The following SLIT3 variants were observed in gnomAD, a reference collection of about 807,000 sequenced individuals.
SLIT3 encodes slit guidance ligand 3.
In SLIT3, 68 loss-of-function variants were observed where a neutral mutation model predicts 184.0. That is an observed-to-expected ratio of 0.37 (90% CI 0.30 to 0.45). The LOEUF (loss-of-function observed/expected upper bound fraction) is 0.45, where lower values mean the gene tolerates loss of function less well. Ranked by LOEUF, SLIT3 falls within the 20% of genes least tolerant of loss-of-function variation. The pLI is 1.00. For missense variants in SLIT3, 1,707 were observed against 2,026.0 expected (o/e 0.84, Z 3.02); for synonymous variants, 831 against 828.6 (o/e 1.00, Z -0.05).
intron 2 of SLIT3, among the ~76,000 whole-genome samples, chr5:169,246,028 A>G (rs900419170): frequency 6.6e-6 from 1 of 152,190 alleles, no homozygotes; most frequent in Non-Finnish European, 1.5e-5. Flanking sequence ...CCGATTGTAT[A>G]TGTGTCTGGG....
chr5:168,805,307 G>C (rs1321963503), intron 9 of SLIT3, among the ~76,000 whole-genome samples: 1 of 152,088 alleles, frequency 6.6e-6, no homozygotes, highest in Non-Finnish European at 1.5e-5. Flanking sequence ...GCACACACAG[G>C]GAAGGGGAGG....
intron 4 of SLIT3, among the ~76,000 whole-genome samples, chr5:169,153,389 G>T (rs1330124974): frequency 6.6e-6 from 1 of 152,232 alleles, no homozygotes; most frequent in East Asian, 1.9e-4. Context: ...AGCATATTGG[G>T]CAGCTTTCAG....
intron 5 of SLIT3, among the ~76,000 whole-genome samples, chr5:168,880,113 TC>T (rs1199832087): frequency 9.9e-5 from 15 of 152,164 alleles, no homozygotes; most frequent in African/African-American, 3.6e-4. Flanking sequence ...TTTCTCCACT[TC>T]CTGCTTCTCT....
intron 4 of SLIT3, among the ~76,000 whole-genome samples, chr5:168,884,997 C>T (rs1050980913): frequency 6.6e-6 from 1 of 152,094 alleles, no homozygotes; most frequent in Non-Finnish European, 1.5e-5. Context: ...TGGCAGGAGA[C>T]ATCAGACGAC....
At chr5:168,797,450 G>A (rs1714058083) in intron 9 of SLIT3, among the ~76,000 whole-genome samples, 1 of 152,234 alleles carries the variant, frequency 6.6e-6, no homozygotes. Context: ...AGGATCCACT[G>A]CTCCCAACTG....
intron 4 of SLIT3, among the ~76,000 whole-genome samples, chr5:169,149,482 T>C (rs972201879): frequency 6.6e-6 from 1 of 152,094 alleles, no homozygotes; most frequent in African/African-American, 2.4e-5. Context: ...AATCCATCTG[T>C]AAGAGACCCA....
At chr5:168,961,098 G>C (rs1315452050) in intron 4 of SLIT3, among the ~76,000 whole-genome samples, 1 of 152,128 alleles carries the variant, frequency 6.6e-6, no homozygotes, top group East Asian at 1.9e-4. Context: ...TTCATTCCCA[G>C]AAGGCATGGC....
chr5:168,759,418 A>T (rs1341865189), intron 16 of SLIT3, among the ~76,000 whole-genome samples: 2 of 152,210 alleles, frequency 1.3e-5, no homozygotes, highest in Non-Finnish European at 2.9e-5. Context: ...CCTGTAATAA[A>T]ACTGCTCTCA....
At chr5:169,180,437 A>C (rs6555850) in intron 4 of SLIT3, among the ~76,000 whole-genome samples, 16,880 of 152,174 alleles carry the variant, frequency 0.11, 1,899 homozygotes, top group African/African-American at 0.27. Flanking sequence ...CCTTAAAACA[A>C]TAATTGCGGC....
rs1291982111 is a variant in SLIT3 at position 168,762,531 on chromosome 5, G to A, written c.1610+8C>T. The A allele has an allele frequency of 6.2e-7, 1 of 1,610,844 alleles. No homozygotes were observed. The highest frequency in any genetic ancestry group is 1.3e-5 in the African/African-American group (1 of 74,860). On this transcript the variant is annotated splice_region_variant and intron_variant, in intron 15 of 35. Coordinates refer to ENST00000519560, the MANE Select transcript of SLIT3 (RefSeq NM_003062.4). ...GGAGTAGGGAGTTCACGCCGAGGTT[G>A]GACTTACAGGTCGGTGACATATTCA...
intron 4 of SLIT3, among the ~76,000 whole-genome samples, chr5:169,011,385 T>C (rs1756146123): frequency 6.6e-6 from 1 of 152,168 alleles, no homozygotes; most frequent in Admixed American, 6.6e-5. Context: ...AAAATTGTAA[T>C]AGGTCTAGCT....
chr5:168,756,003 T>C (rs1402649084), intron 16 of SLIT3, among the ~76,000 whole-genome samples: 1 of 151,554 alleles, frequency 6.6e-6, no homozygotes, highest in East Asian at 1.9e-4. Context: ...CAGGGGAGAG[T>C]CCAGCCTCCC....
intron 4 of SLIT3, among the ~76,000 whole-genome samples, chr5:168,930,422 A>AAAC (rs1761949992): frequency 6.6e-6 from 1 of 152,162 alleles, no homozygotes; most frequent in East Asian, 1.9e-4. Context: ...TGAGGCTCTG[A>AAAC]AGTCAGGCAA....
chr5:169,079,535 G>GAGGAGGAAGA lies in SLIT3; in HGVS notation c.413+113934_413+113943dup, dbSNP rs1311538940. Among the ~76,000 whole-genome samples the GAGGAGGAAGA allele has an allele frequency of 3.6e-3, 424 of 116,980 alleles. 4 individuals are homozygous for GAGGAGGAAGA. The highest frequency in any genetic ancestry group is 5.8e-3 in the East Asian group (19 of 3,280). The allele number at this position is 116,980 out of a possible 152,430, so 76.7% of individuals were successfully genotyped here. A position where few individuals can be genotyped will look rare whatever the true frequency, so the allele number is the denominator to read the frequency against. Reference sequence around the variant, plus strand: ...AAGGAGGAGAGGGAGGAGGAAGGAGGAGGAGGAAGAAGGAGGAAGAAGGAG... The same window carrying GAGGAGGAAGA: ...AAGGAGGAGAGGGAGGAGGAAGGAGGAGGAGGAAGAAGGAGGAAGAAGGAGGAAGAAGGAG... On this transcript the variant is annotated intron_variant, in intron 4 of 35. Coordinates refer to ENST00000519560, the MANE Select transcript of SLIT3 (RefSeq NM_003062.4).
intron 4 of SLIT3, among the ~76,000 whole-genome samples, chr5:169,015,954 A>G (rs1214588543): frequency 7.3e-6 from 1 of 137,660 alleles, no homozygotes; most frequent in Admixed American, 7.6e-5. Context: ...ACACACACAC[A>G]CACACACACA....
chr5:168,795,009 T>C (rs532657998), intron 10 of SLIT3, among the ~76,000 whole-genome samples: 1 of 152,346 alleles, frequency 6.6e-6, no homozygotes, highest in East Asian at 1.9e-4. Context: ...GCAAGCTCCG[T>C]GAGAGCAGAC....
chr5:168,691,115 G>A (rs1199712691), intron 29 of SLIT3, among the ~76,000 whole-genome samples: 1 of 152,112 alleles, frequency 6.6e-6, no homozygotes, highest in Non-Finnish European at 1.5e-5. Context: ...CTAAATATTT[G>A]CTCAGTGTCA....
intron 4 of SLIT3, among the ~76,000 whole-genome samples, chr5:168,891,879 G>A (rs946528348): frequency 3.9e-5 from 6 of 152,156 alleles, no homozygotes; most frequent in Admixed American, 1.3e-4. Flanking sequence ...TGAGGAAGTC[G>A]GGCTGCATGT....
rs999443392 is a variant in SLIT3, at chr5:168,664,108, A to G, written c.*2346T>C. The G allele has an allele frequency of 1.3e-5, 2 of 152,226 alleles. No homozygotes were observed. The highest frequency in any genetic ancestry group is 4.8e-5 in the African/African-American group (2 of 41,446). 9.4% of individuals were successfully genotyped at this position (152,226 alleles called of 1,614,324 possible). Reference sequence around the variant, plus strand: ...CTACTCAACTGTAAAATGAGTTAATAGTGTTTTAACTACATGGTTGTTTCA... The same window carrying G: ...CTACTCAACTGTAAAATGAGTTAATGGTGTTTTAACTACATGGTTGTTTCA... On this transcript the variant is annotated 3_prime_UTR_variant, in exon 36 of 36. Transcript: ENST00000519560.
Sources: allele counts gnomAD v4.1 joint callset (sites outside exome capture counted in the v4.1 genomes callset), GRCh38; gene constraint gnomAD v4.1.1; transcripts MANE v1.5; gene names NCBI Gene and HGNC (gene_info 2026-07-23, HGNC 2026-07-21).